TDRD1: variants seen among roughly 807,000 people sequenced by gnomAD.
TDRD1 encodes the protein tudor domain containing 1, also known as tudor domain-containing protein 1.
In TDRD1, 37 loss-of-function variants were observed where a neutral mutation model predicts 140.6. That is an observed-to-expected ratio of 0.26 (90% CI 0.20 to 0.35). The LOEUF (loss-of-function observed/expected upper bound fraction) is 0.35, where lower values mean the gene tolerates loss of function less well. TDRD1 is among the 10% of genes least tolerant of loss of function. TDRD1 has a pLI of 1.00. For missense variants in TDRD1, 1,243 were observed against 1,393.0 expected (o/e 0.89, Z 1.71); for synonymous variants, 506 against 475.7 (o/e 1.06, Z -0.83).
chr10:114,207,549 C>G (rs1047128888), intron 11 of TDRD1, among the ~76,000 whole-genome samples: 1 of 152,042 alleles, frequency 6.6e-6, no homozygotes, highest in Non-Finnish European at 1.5e-5. Context: ...TGGGACAGCT[C>G]TGATGAAAAG....
chr10:114,201,076 G>A (rs992061007), intron 4 of TDRD1, among the ~76,000 whole-genome samples: 1 of 150,110 alleles, frequency 6.7e-6, no homozygotes, highest in African/African-American at 2.5e-5. Flanking sequence ...GGCTGGTCTC[G>A]AACTCCTGAC....
intron 1 of TDRD1, 119 bp from the exon 2 acceptor site, chr10:114,187,707 G>A (rs2033644680): frequency 1.1e-6 from 1 of 915,600 alleles, no homozygotes; most frequent in Admixed American, 2.6e-5. Context: ...ATCTGCTTTG[G>A]AATTGTTTTA....
intron 3 of TDRD1, among the ~76,000 whole-genome samples, chr10:114,194,408 T>G (rs2034193605): frequency 6.6e-6 from 1 of 152,182 alleles, no homozygotes. Flanking sequence ...TTGTTTCATA[T>G]TGTGTTTGCA....
In TDRD1 at chr10:114,225,973, A is replaced by G; in HGVS notation, c.3008-76A>G. On this transcript the variant is annotated intron_variant, in intron 21 of 25. Coordinates refer to ENST00000251864, the Ensembl canonical transcript of TDRD1. ...ATGGATTTTTAAGTGATGTAAATAT[A>G]ACTATGAATAGCCATCTTAAAGTAG... The G allele has an allele frequency of 9.5e-6, 12 of 1,257,734 alleles. No individual in the cohort carries two copies. In the South Asian group the frequency reaches 1.3e-4, roughly 14 times the overall value. The allele number at this position is 1,257,734 out of a possible 1,614,324, so 77.9% of individuals were successfully genotyped here.
chr10:114,194,940 T>C (rs2034243721), intron 3 of TDRD1, among the ~76,000 whole-genome samples: 1 of 146,790 alleles, frequency 6.8e-6, no homozygotes, highest in South Asian at 2.2e-4. Context: ...TTTTTTTTTC[T>C]GTAGATATGG....
exon 15 of TDRD1, chr10:114,213,377 A>G (rs2035610047): frequency 3.1e-6 from 5 of 1,613,698 alleles, no homozygotes; most frequent in Non-Finnish European, 4.2e-6. Context: ...TTTGGACTCC[A>G]GAAGCTATTT....
chr10:114,225,910 G>T, intron 21 of TDRD1, 139 bp from the exon 22 acceptor site: 1 of 715,962 alleles, frequency 1.4e-6, no homozygotes, highest in Non-Finnish European at 2.4e-6. Flanking sequence ...AGAGGTAAAT[G>T]CTTGTATTTA....
rs544149961 is a variant in TDRD1, at chr10:114,221,204, T to C, written c.2771-153T>C. Among the ~76,000 whole-genome samples, 9 of 152,286 alleles carry C rather than the reference T, an allele frequency of 5.9e-5. No homozygotes were observed. In the South Asian group the frequency reaches 1.9e-3, roughly 32 times the overall value. ...CACAAAATCCCTCAAATAGAATAGA[T>C]TGTTTTGTGAAAAAATACAGATTTT... On this transcript the variant is annotated intron_variant, in intron 19 of 25. Transcript: ENST00000251864.
intron 3 of TDRD1, among the ~76,000 whole-genome samples, chr10:114,193,541 G>A (rs1005401749): frequency 3.9e-5 from 6 of 152,044 alleles, no homozygotes; most frequent in Non-Finnish European, 8.8e-5. Context: ...TCATCCACCC[G>A]CCTTGGCCTC....
chr10:114,216,493 TA>T (rs1261412361), intron 16 of TDRD1, among the ~76,000 whole-genome samples: 3 of 152,354 alleles, frequency 2.0e-5, no homozygotes, highest in Admixed American at 1.3e-4. Context: ...ACTAGATAAC[TA>T]AGGTCCTATC....
intron 3 of TDRD1, among the ~76,000 whole-genome samples, chr10:114,198,742 C>T (rs929420661): frequency 3.9e-5 from 6 of 152,136 alleles, no homozygotes; most frequent in African/African-American, 9.7e-5. Flanking sequence ...CAGCCTTGAG[C>T]TCCTGAGCTC....
At chr10:114,190,901 A>T in intron 2 of TDRD1, 60 bp from the exon 3 acceptor site, 1 of 1,527,970 alleles carries the variant, frequency 6.5e-7, no homozygotes, top group Non-Finnish European at 9.1e-7. Flanking sequence ...ACTATTTTTC[A>T]TTATTAGCAA....
chr10:114,209,341 A>T (rs779463573), intron 11 of TDRD1, among the ~76,000 whole-genome samples: 5 of 152,214 alleles, frequency 3.3e-5, no homozygotes, highest in Admixed American at 6.5e-5. Flanking sequence ...TGACTGGTCC[A>T]GTGGGTTACC....
chr10:114,207,834 G>A (rs2035226038), intron 11 of TDRD1, among the ~76,000 whole-genome samples: 1 of 152,062 alleles, frequency 6.6e-6, no homozygotes, highest in East Asian at 1.9e-4. Flanking sequence ...GAAAACCACT[G>A]AGCAATATCT....
intron 3 of TDRD1, among the ~76,000 whole-genome samples, chr10:114,192,292 C>CATTTTT: frequency 1.3e-5 from 1 of 75,112 alleles, no homozygotes; most frequent in Non-Finnish European, 2.5e-5. Flanking sequence ...GATAGTTTTC[C>CATTTTT]TTTTTTTTTT....
intron 16 of TDRD1, among the ~76,000 whole-genome samples, chr10:114,215,713 A>G (rs1460214290): frequency 6.6e-6 from 1 of 152,196 alleles, no homozygotes; most frequent in Non-Finnish European, 1.5e-5. Context: ...CATTCCATAT[A>G]GGATAAAATT....
At chr10:114,230,911 T>C (rs555550201) in intron 25 of TDRD1, among the ~76,000 whole-genome samples, 263 of 151,890 alleles carry the variant, frequency 1.7e-3, no homozygotes, top group African/African-American at 5.8e-3. Context: ...CCAAAAAAAA[T>C]ATAGAATTAG....
chr10:114,215,462 CT>C (rs2035761849), intron 16 of TDRD1, among the ~76,000 whole-genome samples: 3 of 152,132 alleles, frequency 2.0e-5, no homozygotes, highest in Non-Finnish European at 4.4e-5. Flanking sequence ...GCTTCCCCAT[CT>C]ACAAAGGCCA....
At chr10:114,208,626 A>T (rs1468200952) in intron 11 of TDRD1, among the ~76,000 whole-genome samples, 1 of 152,068 alleles carries the variant, frequency 6.6e-6, no homozygotes, top group Non-Finnish European at 1.5e-5. Flanking sequence ...TATTTATGAC[A>T]CTGTAGCTCC....
Sources: allele counts gnomAD v4.1 joint callset (sites outside exome capture counted in the v4.1 genomes callset), GRCh38; gene constraint gnomAD v4.1.1; transcripts MANE v1.5; gene names NCBI Gene and HGNC (gene_info 2026-07-23, HGNC 2026-07-21).